Variants in SLC25A33 observed in about 807,000 individuals in gnomAD.
SLC25A33 encodes the protein solute carrier family 25 member 33, also known as bone marrow stromal cell mitochondrial carrier protein.
SLC25A33 carries 15 observed loss-of-function variants against 35.5 expected under a neutral mutation model. The observed-to-expected ratio is 0.42, with a 90% CI of 0.28 to 0.65. SLC25A33 has a LOEUF of 0.65. Among genes scored for constraint, SLC25A33 ranks in the 30% least tolerant of loss-of-function variants. SLC25A33 has a pLI of 0.20. For missense variants in SLC25A33, 257 were observed against 398.5 expected, an observed-to-expected ratio of 0.64 and a Z score of 3.02; for synonymous variants, 136 against 148.7, an observed-to-expected ratio of 0.91 and a Z score of 0.62.
intron 5 of SLC25A33, among the ~76,000 whole-genome samples, chr1:9,575,813 T>C (rs1643655190): frequency 6.6e-6 from 1 of 152,210 alleles, no homozygotes; most frequent in Non-Finnish European, 1.5e-5. Context: ...ACAGACCACT[T>C]GTTCAGACTC....
At chr1:9,560,828 T>C (rs1643413511) in intron 2 of SLC25A33, among the ~76,000 whole-genome samples, 1 of 152,102 alleles carries the variant, frequency 6.6e-6, no homozygotes, top group Non-Finnish European at 1.5e-5. Flanking sequence ...TATCTGCTAT[T>C]AAATGTGCCA....
chr1:9,560,918 A>C (rs1384246397), intron 2 of SLC25A33, among the ~76,000 whole-genome samples: 1 of 151,818 alleles, frequency 6.6e-6, no homozygotes, highest in Non-Finnish European at 1.5e-5. Context: ...TTTCCAGCAA[A>C]GTTCTTACTA....
intron 3 of SLC25A33, 140 bp downstream of exon 3, chr1:9,567,501 G>A (rs1406085668): frequency 4.4e-6 from 3 of 674,900 alleles, no homozygotes; most frequent in Admixed American, 3.0e-5. Flanking sequence ...ATAGCAAATA[G>A]TCATTGAGAA....
At chr1:9,558,426 G>A (rs1643375975) in intron 2 of SLC25A33, among the ~76,000 whole-genome samples, 1 of 152,224 alleles carries the variant, frequency 6.6e-6, no homozygotes, top group Admixed American at 6.5e-5. Context: ...TTAGTTTCAT[G>A]GCTGTAAATA....
chr1:9,554,520 C>T (rs182675977), intron 2 of SLC25A33, among the ~76,000 whole-genome samples: 16 of 152,026 alleles, frequency 1.1e-4, no homozygotes, highest in East Asian at 7.8e-4. Context: ...CCACCATGCC[C>T]GGCTAATTTT....
chr1:9,552,656 T>C (rs1034531562), intron 1 of SLC25A33, among the ~76,000 whole-genome samples: 1 of 152,210 alleles, frequency 6.6e-6, no homozygotes, highest in Non-Finnish European at 1.5e-5. Context: ...AGAGTATTCA[T>C]TGCAGCATGG....
intron 1 of SLC25A33, among the ~76,000 whole-genome samples, chr1:9,553,115 C>T (rs1342699238): frequency 1.5e-5 from 2 of 136,972 alleles, no homozygotes; most frequent in Non-Finnish European, 3.2e-5. Context: ...TGGTCTCGAA[C>T]TCCTGACCTC....
chr1:9,549,474 A>T lies in SLC25A33; in HGVS notation c.57-4152A>T, dbSNP rs529160887. ...GGGGGATGAACTGCTGATGGGATCAATGGCGGGGAGGAACTGATGGTGGGA... is the reference window on the plus strand; with the variant it reads ...GGGGGATGAACTGCTGATGGGATCATTGGCGGGGAGGAACTGATGGTGGGA... On this transcript the variant is annotated intron_variant, in intron 1 of 6. Transcript: ENST00000302692. Among the ~76,000 whole-genome samples, 7 of 94,678 alleles carry T rather than the reference A, an allele frequency of 7.4e-5. No homozygotes were observed. The Admixed American group carries it at 8.6e-4, about 12-fold the overall frequency. The allele number at this position is 94,678 out of a possible 152,430, so 62.1% of individuals were successfully genotyped here. A position where few individuals can be genotyped will look rare whatever the true frequency, so the allele number is the denominator to read the frequency against.
intron 4 of SLC25A33, among the ~76,000 whole-genome samples, chr1:9,572,586 C>T (rs1569871978): frequency 1.3e-5 from 2 of 152,222 alleles, no homozygotes; most frequent in East Asian, 3.9e-4. Context: ...CCACTGCACT[C>T]CAGCCTGCGA....
intron 1 of SLC25A33, among the ~76,000 whole-genome samples, chr1:9,545,307 C>T (rs1643150948): frequency 6.6e-6 from 1 of 151,966 alleles, no homozygotes; most frequent in Middle Eastern, 3.2e-3. Context: ...CTTCTGCCTC[C>T]CGGCTTCAAG....
At chr1:9,579,195 G>A (rs1312110230) in intron 5 of SLC25A33, among the ~76,000 whole-genome samples, 3 of 152,192 alleles carry the variant, frequency 2.0e-5, no homozygotes, top group Non-Finnish European at 4.4e-5. Context: ...GACCAAATGT[G>A]TAGGGGGTTT....
Position 9,539,724 on chromosome 1 carries a change from G to C in SLC25A33, c.33G>C (p.Thr11=). 3 of 1,410,856 alleles carry C rather than the reference G, an allele frequency of 2.1e-6. No individual in the cohort carries two copies. Among genetic ancestry groups the C allele is most frequent in the Non-Finnish European group, 2.8e-6 (3 of 1,081,458 alleles). 87.4% of individuals were successfully genotyped at this position (1,410,856 alleles called of 1,614,324 possible). A position where few individuals can be genotyped will look rare whatever the true frequency, so the allele number is the denominator to read the frequency against. ...CGGGCGGCCAGCAGAAGGAGAACAC[G>C]CTGCTTCACCTCTTCGCCGGCGGGT... MATGGQQKEN[T]LLHLFAGGCG... The change falls in exon 1 of 7, where the codon ACG becomes ACC. Residue 11 remains threonine (T), a synonymous_variant. Coordinates refer to ENST00000302692, the MANE Select transcript of SLC25A33 (RefSeq NM_032315.3).
intron 1 of SLC25A33, among the ~76,000 whole-genome samples, chr1:9,541,395 C>A (rs537004413): frequency 2.0e-5 from 3 of 152,076 alleles, no homozygotes. Context: ...GTGATCCGCC[C>A]GCCTCGGCCT....
intron 2 of SLC25A33, among the ~76,000 whole-genome samples, chr1:9,566,745 C>G (rs1643511807): frequency 6.6e-6 from 1 of 152,112 alleles, no homozygotes; most frequent in South Asian, 2.1e-4. Flanking sequence ...ACTCGGGAGG[C>G]TGAGGTAGGA....
chr1:9,553,091 C>T (rs1413118489), intron 1 of SLC25A33, among the ~76,000 whole-genome samples: 2 of 148,762 alleles, frequency 1.3e-5, no homozygotes, highest in Non-Finnish European at 3.0e-5. Flanking sequence ...GGGGTTTTGC[C>T]TTGTTGGCCT....
Position 9,567,156 on chromosome 1 carries a change from A to G in SLC25A33, c.237-128A>G, listed in dbSNP as rs527250955. 27 of 753,168 alleles carry G rather than the reference A, an allele frequency of 3.6e-5. 1 individual carries two copies. The East Asian group carries it at 5.7e-4, about 16-fold the overall frequency. The allele number at this position is 753,168 out of a possible 1,614,324, so 46.7% of individuals were successfully genotyped here. A position where few individuals can be genotyped will look rare whatever the true frequency, so the allele number is the denominator to read the frequency against. Reference sequence around the variant, plus strand: ...ATTCTGTATTGTAACCAAATCAGATAAGAGTCGAGCTTGACATCTCTCAAA... The same window carrying G: ...ATTCTGTATTGTAACCAAATCAGATGAGAGTCGAGCTTGACATCTCTCAAA... On this transcript the variant is annotated intron_variant, in intron 2 of 6. Coordinates refer to ENST00000302692, the MANE Select transcript of SLC25A33 (RefSeq NM_032315.3).
chr1:9,551,787 A>C (rs763624939), intron 1 of SLC25A33, among the ~76,000 whole-genome samples: 1 of 152,164 alleles, frequency 6.6e-6, no homozygotes, highest in Non-Finnish European at 1.5e-5. Context: ...CTGTTTAGGA[A>C]CTTGTTGAGC....
intron 1 of SLC25A33, among the ~76,000 whole-genome samples, chr1:9,548,353 G>A (rs1369022079): frequency 2.6e-5 from 4 of 152,154 alleles, no homozygotes; most frequent in African/African-American, 7.2e-5. Flanking sequence ...AGGCCCAGGC[G>A]GGCGCATCTC....
chr1:9,543,399 C>A (rs373001383), intron 1 of SLC25A33, among the ~76,000 whole-genome samples: 11 of 152,220 alleles, frequency 7.2e-5, no homozygotes, highest in African/African-American at 2.7e-4. Context: ...CCACCTCAGC[C>A]TCCCAAAGTG....
Sources: allele counts gnomAD v4.1 joint callset (sites outside exome capture counted in the v4.1 genomes callset), GRCh38; gene constraint gnomAD v4.1.1; transcripts MANE v1.5; gene names NCBI Gene and HGNC (gene_info 2026-07-23, HGNC 2026-07-21).